The following FAF2 variants were observed in gnomAD, a reference collection of about 807,000 sequenced individuals.
FAF2 encodes FAS-associated factor 2.
Under a neutral mutation model 62.3 loss-of-function variants are expected in FAF2, and 9 were observed. The ratio of observed to expected loss-of-function variants is 0.14; its 90% CI spans 0.09 to 0.25. FAF2 has a LOEUF of 0.25. FAF2 is among the 10% of genes least tolerant of loss of function. FAF2 has a pLI of 1.00. For missense variants in FAF2, 368 were observed against 556.2 expected (o/e 0.66, Z 3.40); for synonymous variants, 202 against 198.0 (o/e 1.02, Z -0.17).
intron 1 of FAF2, among the ~76,000 whole-genome samples, chr5:176,467,759 C>G (rs1255030560): frequency 3.3e-5 from 5 of 152,152 alleles, no homozygotes; most frequent in Non-Finnish European, 7.4e-5. Flanking sequence ...TGATAATGGG[C>G]AAGATAGCAA....
intron 1 of FAF2, among the ~76,000 whole-genome samples, chr5:176,473,463 C>G (rs2113728558): frequency 6.6e-6 from 1 of 152,326 alleles, no homozygotes. Flanking sequence ...CCTTGATCAC[C>G]TAGCTGCAGT....
intron 2 of FAF2, among the ~76,000 whole-genome samples, chr5:176,485,393 C>T (rs1012360459): frequency 6.6e-6 from 1 of 152,190 alleles, no homozygotes; most frequent in South Asian, 2.1e-4. Context: ...CTGGCATGGC[C>T]GGCTTTCACC....
intron 10 of FAF2, among the ~76,000 whole-genome samples, chr5:176,505,194 A>G (rs987109900): frequency 6.6e-6 from 1 of 152,336 alleles, no homozygotes. Context: ...TATGTTCGTC[A>G]TCTTTGGGGT....
At chr5:176,459,645 C>T (rs1758340045) in intron 1 of FAF2, among the ~76,000 whole-genome samples, 1 of 152,116 alleles carries the variant, frequency 6.6e-6, no homozygotes, top group Admixed American at 6.6e-5. Context: ...GTTACTTAAT[C>T]CTTCCAGGCC....
chr5:176,472,195 ATCTCAGCTCACTGCTT>A (rs1160773246), intron 1 of FAF2, among the ~76,000 whole-genome samples: 3 of 151,750 alleles, frequency 2.0e-5, no homozygotes, highest in East Asian at 3.9e-4. Flanking sequence ...CAGTGGTGCT[ATCTCAGCTCACTGCTT>A]TCTCAGCTCA....
At chr5:176,461,052 G>A (rs1274463051) in intron 1 of FAF2, among the ~76,000 whole-genome samples, 5 of 146,552 alleles carry the variant, frequency 3.4e-5, no homozygotes, top group African/African-American at 7.6e-5. Context: ...TTACTCTGTC[G>A]CCTAGGCTGG....
intron 1 of FAF2, among the ~76,000 whole-genome samples, chr5:176,462,580 C>T (rs1758397335): frequency 6.6e-6 from 1 of 152,000 alleles, no homozygotes; most frequent in African/African-American, 2.4e-5. Context: ...GCCGAGATCG[C>T]GCCACTGCAC....
At chr5:176,459,141 G>A (rs1005609990) in intron 1 of FAF2, among the ~76,000 whole-genome samples, 2 of 151,676 alleles carry the variant, frequency 1.3e-5, no homozygotes, top group Non-Finnish European at 2.9e-5. Context: ...CAATCCCAAA[G>A]AGTTTTTTGT....
intron 1 of FAF2, among the ~76,000 whole-genome samples, chr5:176,475,081 T>C (rs1758664078): frequency 1.3e-5 from 2 of 152,176 alleles, no homozygotes; most frequent in African/African-American, 4.8e-5. Context: ...TTTCAGTATA[T>C]TAAAGATGGC....
At chr5:176,487,488 G>T (rs1758895606) in intron 3 of FAF2, among the ~76,000 whole-genome samples, 1 of 152,056 alleles carries the variant, frequency 6.6e-6, no homozygotes, top group Admixed American at 6.6e-5. Context: ...TGGCCTACTT[G>T]ATGTTTTAAA....
rs1755723021 is a variant in FAF2 at position 176,508,433 on chromosome 5, G to T, written c.*1483G>T. 1 of 152,194 alleles carries T rather than the reference G, an allele frequency of 6.6e-6. No homozygotes were observed. The highest frequency in any genetic ancestry group is 6.5e-5 in the Admixed American group (1 of 15,270). 9.4% of individuals were successfully genotyped at this position (152,194 alleles called of 1,614,324 possible). A position where few individuals can be genotyped will look rare whatever the true frequency, so the allele number is the denominator to read the frequency against. On this transcript the variant is annotated 3_prime_UTR_variant, in exon 11 of 11. Transcript: ENST00000261942. ...ACATAAAGCCTAACTTGCTGGAGTT[G>T]TAGTCTCAAGGCTTTCTCTCTTGCT... is the stretch of plus-strand genomic sequence containing the variant.
chr5:176,458,208 C>A (rs918492599), intron 1 of FAF2, among the ~76,000 whole-genome samples: 1 of 151,928 alleles, frequency 6.6e-6, no homozygotes, highest in East Asian at 1.9e-4. Flanking sequence ...CCCCTTCTTG[C>A]GTAGCTGGGA....
At chr5:176,497,501 G>A (rs920113453) in intron 8 of FAF2, among the ~76,000 whole-genome samples, 2 of 151,772 alleles carry the variant, frequency 1.3e-5, no homozygotes, top group Admixed American at 6.6e-5. Flanking sequence ...AATATATCAC[G>A]GCCTTTTCCC....
chr5:176,455,758 A>G (rs1362289994), intron 1 of FAF2, among the ~76,000 whole-genome samples: 2 of 151,812 alleles, frequency 1.3e-5, no homozygotes, highest in Non-Finnish European at 2.9e-5. Flanking sequence ...CAAAAAACTA[A>G]AAATAAAAAC....
At chr5:176,460,555 T>TGTA (rs1491182423) in intron 1 of FAF2, among the ~76,000 whole-genome samples, 2 of 148,824 alleles carry the variant, frequency 1.3e-5, no homozygotes, top group African/African-American at 5.0e-5. Flanking sequence ...TGTGTGTGTA[T>TGTA]TTTTTTTTTC....
At position 176,500,965 on chromosome 5, in the gene FAF2, A is replaced by T. The variant is rs926587690; in HGVS notation, c.1155+819A>T. On this transcript the variant is annotated intron_variant, in intron 10 of 10. Coordinates refer to ENST00000261942, the MANE Select transcript of FAF2 (RefSeq NM_014613.3). ...AACATGGTGAAACCTCGTCTCTACT[A>T]AAAATACAAAAATTAGCTGGGCGTG... Among the ~76,000 whole-genome samples the T allele has an allele frequency of 3.9e-5, 6 of 152,158 alleles. No homozygotes were observed. The South Asian group carries it at 1.2e-3, about 32-fold the overall frequency.
At chr5:176,505,529 T>C (rs1171907730) in intron 10 of FAF2, among the ~76,000 whole-genome samples, 3 of 152,184 alleles carry the variant, frequency 2.0e-5, no homozygotes, top group East Asian at 3.8e-4. Context: ...GTCAGTTCTT[T>C]AGTGGTGATT....
intron 10 of FAF2, among the ~76,000 whole-genome samples, chr5:176,503,082 AAG>A (rs1258115475): frequency 6.6e-6 from 1 of 152,046 alleles, no homozygotes; most frequent in Non-Finnish European, 1.5e-5. Flanking sequence ...AAAAATAAAA[AAG>A]AGTATCATGG....
rs1758374070 is a variant in FAF2, at chr5:176,461,330, T to TC, written c.63+12860_63+12861insC. Among the ~76,000 whole-genome samples the TC allele has an allele frequency of 2.1e-5, 3 of 145,126 alleles. No homozygotes were observed. In the Admixed American group the frequency reaches 2.1e-4, roughly 10 times the overall value. ...TGCCCAGCTTTTTTTTTTTTTTTTT[T>TC]TTTTTTGAGACAGGTTCTTGCTCTA... On this transcript the variant is annotated intron_variant, in intron 1 of 10. Coordinates refer to ENST00000261942, the MANE Select transcript of FAF2 (RefSeq NM_014613.3).
Sources: allele counts gnomAD v4.1 joint callset (sites outside exome capture counted in the v4.1 genomes callset), GRCh38; gene constraint gnomAD v4.1.1; transcripts MANE v1.5; gene names NCBI Gene and HGNC (gene_info 2026-07-23, HGNC 2026-07-21).